EPHA6: variants seen among roughly 807,000 people sequenced by gnomAD.
EPHA6 encodes EPH receptor A6, also known as ephrin type-A receptor 6.
Under a neutral mutation model 112.0 loss-of-function variants are expected in EPHA6, and 50 were observed. The ratio of observed to expected loss-of-function variants is 0.45; its 90% CI spans 0.36 to 0.56. The LOEUF (loss-of-function observed/expected upper bound fraction) is 0.56, where lower values mean the gene tolerates loss of function less well. EPHA6 is among the 20% of genes least tolerant of loss of function. The probability of loss-of-function intolerance (pLI) is 0.00; values close to 1 mark genes in which losing one functional copy is unlikely to be tolerated. For missense variants in EPHA6, 1,280 were observed against 1,417.4 expected (o/e 0.90, Z 1.56); for synonymous variants, 529 against 490.7 (o/e 1.08, Z -1.03).
chr3:97,031,303 G>T (rs1486673542), intron 3 of EPHA6, among the ~76,000 whole-genome samples: 1 of 152,096 alleles, frequency 6.6e-6, no homozygotes, highest in Non-Finnish European at 1.5e-5. Flanking sequence ...ATTCAAGATG[G>T]ATTAAAGACT....
chr3:97,003,252 C>T (rs779871436), intron 3 of EPHA6, among the ~76,000 whole-genome samples: 5 of 152,040 alleles, frequency 3.3e-5, no homozygotes, highest in Middle Eastern at 3.2e-3. Flanking sequence ...GGATTACAGG[C>T]GCACACCACC....
intron 13 of EPHA6, among the ~76,000 whole-genome samples, chr3:97,633,328 T>A (rs910115863): frequency 1.3e-5 from 2 of 152,058 alleles, no homozygotes; most frequent in African/African-American, 4.8e-5. Context: ...TTCCAGCTAC[T>A]AATCTCTGAG....
Position 97,237,263 on chromosome 3 carries a change from A to G in EPHA6, c.1271-6689A>G, listed in dbSNP as rs147927225. Reference sequence around the variant, plus strand: ...AATAACTTAAATATTCACTTCGTATATTGCAATGCTGTATTTTTAAAATTA... The same window carrying G: ...AATAACTTAAATATTCACTTCGTATGTTGCAATGCTGTATTTTTAAAATTA... On this transcript the variant is annotated intron_variant, in intron 4 of 17. Transcript: ENST00000389672. 1.3e-3 allele frequency among the ~76,000 whole-genome samples: 203 copies of G among 151,910 alleles called. 1 individual carries two copies. The highest frequency in any genetic ancestry group is 4.7e-3 in the African/African-American group (195 of 41,436).
intron 4 of EPHA6, among the ~76,000 whole-genome samples, chr3:97,234,457 CAAG>C (rs1462435254): frequency 3.3e-5 from 5 of 152,246 alleles, no homozygotes; most frequent in African/African-American, 7.2e-5. Flanking sequence ...CACTCTACTA[CAAG>C]AAGATTTTGT....
intron 10 of EPHA6, among the ~76,000 whole-genome samples, chr3:97,524,552 T>A (rs1302313128): frequency 5.3e-5 from 8 of 152,134 alleles, no homozygotes; most frequent in African/African-American, 1.9e-4. Context: ...TTTGAGTATA[T>A]GTTTACCTTT....
At chr3:96,892,760 A>G (rs2038038651) in intron 2 of EPHA6, among the ~76,000 whole-genome samples, 1 of 152,144 alleles carries the variant, frequency 6.6e-6, no homozygotes, top group South Asian at 2.1e-4. Flanking sequence ...ATGGGATGAG[A>G]TAAAGTTTGA....
chr3:97,421,696 G>A (rs2088646295), intron 6 of EPHA6, among the ~76,000 whole-genome samples: 1 of 152,106 alleles, frequency 6.6e-6, no homozygotes, highest in African/African-American at 2.4e-5. Context: ...CACAAAATAT[G>A]TTGAAGTTAC....
chr3:97,049,457 T>TTA (rs2045616087), intron 3 of EPHA6, among the ~76,000 whole-genome samples: 1 of 152,202 alleles, frequency 6.6e-6, no homozygotes, highest in South Asian at 2.1e-4. Flanking sequence ...AAGATAATGA[T>TTA]GCTGGTGTTG....
At chr3:97,606,809 C>G (rs2093683150) in intron 12 of EPHA6, among the ~76,000 whole-genome samples, 1 of 151,008 alleles carries the variant, frequency 6.6e-6, no homozygotes, top group African/African-American at 2.4e-5. Context: ...AATTGTAATT[C>G]ACTATCTCTA....
At chr3:97,166,164 G>C (rs1384404303) in intron 3 of EPHA6, among the ~76,000 whole-genome samples, 2 of 152,002 alleles carry the variant, frequency 1.3e-5, no homozygotes, top group Non-Finnish European at 2.9e-5. Context: ...CGGTAATCTT[G>C]TTATTATGTG....
chr3:96,989,332 T>C (rs1041436962), intron 3 of EPHA6, among the ~76,000 whole-genome samples: 2 of 152,182 alleles, frequency 1.3e-5, no homozygotes, highest in Non-Finnish European at 2.9e-5. Context: ...GCATGAGAAG[T>C]CGGTAGTATA....
chr3:96,858,237 A>C (rs112366429), intron 1 of EPHA6, among the ~76,000 whole-genome samples: 1,582 of 152,196 alleles, frequency 0.01, 26 homozygotes, highest in African/African-American at 0.036. Context: ...ATGCTACCCT[A>C]GTAGGGTGGC....
intron 2 of EPHA6, among the ~76,000 whole-genome samples, chr3:96,985,418 T>C (rs2042983594): frequency 6.6e-6 from 1 of 152,216 alleles, no homozygotes; most frequent in African/African-American, 2.4e-5. Flanking sequence ...ATCATATTTT[T>C]TACTATTATC....
chr3:97,670,777 T>A (rs533961100), intron 14 of EPHA6, among the ~76,000 whole-genome samples: 2 of 152,340 alleles, frequency 1.3e-5, no homozygotes, highest in African/African-American at 4.8e-5. Flanking sequence ...TCCATATAGG[T>A]CCTTTGTAAA....
intron 3 of EPHA6, among the ~76,000 whole-genome samples, chr3:97,106,324 T>C (rs2047566606): frequency 6.6e-6 from 1 of 152,094 alleles, no homozygotes; most frequent in Non-Finnish European, 1.5e-5. Flanking sequence ...ACTTTTTTTT[T>C]CTATGGTTTC....
chr3:97,123,083 G>A (rs1006951655), intron 3 of EPHA6, among the ~76,000 whole-genome samples: 3 of 151,902 alleles, frequency 2.0e-5, no homozygotes, highest in Non-Finnish European at 4.4e-5. Flanking sequence ...ACTAATATAT[G>A]TGATTTTCAT....
intron 3 of EPHA6, among the ~76,000 whole-genome samples, chr3:97,112,506 A>C (rs1001839027): frequency 2.0e-5 from 3 of 152,128 alleles, no homozygotes; most frequent in African/African-American, 7.2e-5. Context: ...TCTAGAGTTT[A>C]CTTAGGGTTT....
At chr3:97,651,037 G>T (rs2094104408) in intron 14 of EPHA6, among the ~76,000 whole-genome samples, 1 of 151,966 alleles carries the variant, frequency 6.6e-6, no homozygotes, top group African/African-American at 2.4e-5. Flanking sequence ...CTATAGATTT[G>T]TGGCAAGCAA....
intron 11 of EPHA6, among the ~76,000 whole-genome samples, chr3:97,548,936 C>T (rs954017244): frequency 6.6e-6 from 1 of 152,210 alleles, no homozygotes; most frequent in Admixed American, 6.5e-5. Flanking sequence ...TGGAAAACTC[C>T]TATCACCCAG....
Sources: allele counts gnomAD v4.1 joint callset (sites outside exome capture counted in the v4.1 genomes callset), GRCh38; gene constraint gnomAD v4.1.1; transcripts MANE v1.5; gene names NCBI Gene and HGNC (gene_info 2026-07-23, HGNC 2026-07-21).